Variants in STXBP5L observed in about 807,000 individuals in gnomAD.
The protein encoded by STXBP5L is syntaxin-binding protein 5-like.
A neutral mutation model predicts 144.5 loss-of-function variants in STXBP5L; 65 were observed. The observed-to-expected ratio is 0.45, with a 90% CI of 0.37 to 0.55. The LOEUF is 0.55. STXBP5L is among the 20% of genes least tolerant of loss of function. STXBP5L has a pLI of 0.00. For missense variants in STXBP5L, 1,298 were observed against 1,405.5 expected (o/e 0.92, Z 1.22); for synonymous variants, 505 against 469.6 (o/e 1.08, Z -0.97).
intron 20 of STXBP5L, among the ~76,000 whole-genome samples, chr3:121,343,479 G>A (rs534485426): frequency 1.3e-5 from 2 of 152,130 alleles, no homozygotes; most frequent in Non-Finnish European, 2.9e-5. Context: ...CAGATGACAT[G>A]ACTGTATATC....
At chr3:121,293,131 G>A (rs773846727) in intron 19 of STXBP5L, among the ~76,000 whole-genome samples, 3 of 152,130 alleles carry the variant, frequency 2.0e-5, no homozygotes, top group Admixed American at 6.5e-5. Flanking sequence ...GCTCTGCTCC[G>A]CAATAAAAAA....
chr3:120,964,242 G>A (rs1451915347), intron 3 of STXBP5L, among the ~76,000 whole-genome samples: 2 of 151,916 alleles, frequency 1.3e-5, no homozygotes, highest in Admixed American at 1.3e-4. Flanking sequence ...ATTCATTGAT[G>A]TTTTGAAGGG....
chr3:121,179,190 A>T (rs2047046487), intron 9 of STXBP5L, among the ~76,000 whole-genome samples: 1 of 152,052 alleles, frequency 6.6e-6, no homozygotes, highest in African/African-American at 2.4e-5. Context: ...AGAACGAGAT[A>T]AGCTTCAAGA....
intron 21 of STXBP5L, 109 bp downstream of exon 21, chr3:121,378,995 A>G (rs1576321752): frequency 8.5e-7 from 1 of 1,175,576 alleles, no homozygotes; most frequent in East Asian, 2.6e-5. Flanking sequence ...TTAAAAAACT[A>G]CTAATCAGTG....
intron 5 of STXBP5L, among the ~76,000 whole-genome samples, chr3:121,047,008 CTT>C (rs1468253735): frequency 1.3e-5 from 2 of 152,044 alleles, no homozygotes; most frequent in African/African-American, 4.8e-5. Flanking sequence ...AAACTTTCCT[CTT>C]AGCACTACTT....
intron 1 of STXBP5L, among the ~76,000 whole-genome samples, chr3:120,908,790 T>A (rs1001691740): frequency 1.8e-3 from 233 of 129,754 alleles, no homozygotes; most frequent in Non-Finnish European, 3.1e-3. Flanking sequence ...CGGCGGCGGC[T>A]GCGGGCAGAG....
chr3:121,057,571 A>AAT (rs988946188), intron 5 of STXBP5L, among the ~76,000 whole-genome samples: 20 of 152,030 alleles, frequency 1.3e-4, no homozygotes, highest in Admixed American at 6.6e-4. Flanking sequence ...AAAATGGAAT[A>AAT]ATATATATAT....
intron 6 of STXBP5L, among the ~76,000 whole-genome samples, chr3:121,117,668 AT>A (rs1213339669): frequency 1.9e-4 from 29 of 151,982 alleles, no homozygotes; most frequent in African/African-American, 6.3e-4. Flanking sequence ...ATCTAAAAAA[AT>A]ATGAGATTGT....
At position 121,381,481 on chromosome 3, in the gene STXBP5L, C is replaced by T. The variant is rs1458629696; in HGVS notation, c.2536C>T (p.Pro846Ser). ...GGTGTTAATCATCTCCTTAAACCTACCATTAGCAGATGAACAAAGGTTTAC... is the reference window on the plus strand; with the variant it reads ...GGTGTTAATCATCTCCTTAAACCTATCATTAGCAGATGAACAAAGGTTTAC... Reference protein sequence around the residue: ...GMVLIISLNLPLADEQRFTEP... With the variant: ...GMVLIISLNLSLADEQRFTEP... Residue 846 changes from proline (P) to serine (S), a missense_variant, in exon 22 of 27, where the codon CCA becomes TCA. Coordinates refer to ENST00000471454, the MANE Select transcript of STXBP5L (RefSeq NM_001308330.2). 6.3e-7 allele frequency: 1 copy of T among 1,594,996 alleles called. No individual in the cohort carries two copies. Among genetic ancestry groups the T allele is most frequent in the Admixed American group, 1.9e-5 (1 of 53,606 alleles).
intron 18 of STXBP5L, among the ~76,000 whole-genome samples, chr3:121,269,887 C>A (rs2050687400): frequency 6.6e-6 from 1 of 152,090 alleles, no homozygotes; most frequent in African/African-American, 2.4e-5. Context: ...GTAATGTGAC[C>A]AGTTGTACAT....
chr3:121,238,244 C>G (rs2049548209), intron 12 of STXBP5L, among the ~76,000 whole-genome samples: 1 of 151,948 alleles, frequency 6.6e-6, no homozygotes, highest in South Asian at 2.1e-4. Context: ...GTGGTGAGAA[C>G]CTGAGCTGTT....
chr3:121,337,017 G>T (rs1267865547), intron 20 of STXBP5L, among the ~76,000 whole-genome samples: 2 of 152,144 alleles, frequency 1.3e-5, no homozygotes, highest in African/African-American at 4.8e-5. Flanking sequence ...ACCAAATACT[G>T]CATGTTCTCA....
At chr3:121,373,896 C>T (rs2046105241) in intron 20 of STXBP5L, among the ~76,000 whole-genome samples, 1 of 152,166 alleles carries the variant, frequency 6.6e-6, no homozygotes, top group Admixed American at 6.5e-5. Context: ...CTGCCAGTGC[C>T]AATGCATGCA....
intron 7 of STXBP5L, 70 bp downstream of exon 7, chr3:121,121,774 T>A: frequency 8.6e-7 from 1 of 1,167,334 alleles, no homozygotes; most frequent in Non-Finnish European, 1.3e-6. Context: ...TTCTTACTAT[T>A]ATTTTATATC....
intron 3 of STXBP5L, among the ~76,000 whole-genome samples, chr3:120,996,595 TTAAC>T (rs1241307624): frequency 3.9e-5 from 6 of 152,268 alleles, no homozygotes; most frequent in South Asian, 2.1e-4. Context: ...TTTGTACACT[TTAAC>T]TAATATCTCC....
At chr3:121,017,940 G>A (rs1337940950) in intron 3 of STXBP5L, among the ~76,000 whole-genome samples, 1 of 152,062 alleles carries the variant, frequency 6.6e-6, no homozygotes, top group African/African-American at 2.4e-5. Flanking sequence ...ATAGCCATGT[G>A]TTGTGGCATG....
chr3:121,006,075 G>T (rs189703856), intron 3 of STXBP5L, among the ~76,000 whole-genome samples: 2 of 152,206 alleles, frequency 1.3e-5, no homozygotes, highest in Admixed American at 1.3e-4. Context: ...GGTCTGCTTG[G>T]TGCAGAGCTG....
At chr3:121,340,733 G>T (rs374485335) in intron 20 of STXBP5L, among the ~76,000 whole-genome samples, 1 of 151,892 alleles carries the variant, frequency 6.6e-6, no homozygotes, top group Non-Finnish European at 1.5e-5. Flanking sequence ...CTGGGTTTGC[G>T]GTGTGTAAAT....
chr3:121,065,744 T>G (rs1016261780), intron 5 of STXBP5L, among the ~76,000 whole-genome samples: 1 of 152,134 alleles, frequency 6.6e-6, no homozygotes, highest in Non-Finnish European at 1.5e-5. Flanking sequence ...ATATATATTA[T>G]TAGCTGACTT....
Sources: allele counts gnomAD v4.1 joint callset (sites outside exome capture counted in the v4.1 genomes callset), GRCh38; gene constraint gnomAD v4.1.1; transcripts MANE v1.5; gene names NCBI Gene and HGNC (gene_info 2026-07-23, HGNC 2026-07-21).